GALNT13: variants seen among roughly 807,000 people sequenced by gnomAD.
GALNT13 encodes UDP-GalNAc:polypeptide N-acetylgalactosaminyltransferase 13.
Under a neutral mutation model 64.2 loss-of-function variants are expected in GALNT13, and 28 were observed. That is an observed-to-expected ratio of 0.44 (90% CI 0.32 to 0.60). The LOEUF (loss-of-function observed/expected upper bound fraction) is 0.60. Ranked by LOEUF, GALNT13 falls within the 20% of genes least tolerant of loss-of-function variation. The pLI, the probability that GALNT13 is intolerant of heterozygous loss-of-function variation, is 0.05. For synonymous variants in GALNT13, 214 were observed against 224.6 expected, an observed-to-expected ratio of 0.95 and a Z score of 0.42; for missense variants, 577 against 669.8, an observed-to-expected ratio of 0.86 and a Z score of 1.53.
chr2:153,914,103 A>T (rs1176125654), intron 2 of GALNT13, among the ~76,000 whole-genome samples: 1 of 152,196 alleles, frequency 6.6e-6, no homozygotes, highest in African/African-American at 2.4e-5. Flanking sequence ...GTATTACTTA[A>T]CACTTTCAAA....
At chr2:153,345,662 T>TCTTTCTTTCTTC in the GALNT13 span, among the ~76,000 whole-genome samples, 30 of 141,682 alleles carry the variant, frequency 2.1e-4, no homozygotes, top group African/African-American at 7.5e-4. Flanking sequence ...TTTCTTTCTT[T>TCTTTCTTTCTTC]CTTTCTTTCT....
intron 2 of GALNT13, among the ~76,000 whole-genome samples, chr2:153,906,786 G>T (rs1183752900): frequency 6.6e-6 from 1 of 151,810 alleles, no homozygotes; most frequent in Non-Finnish European, 1.5e-5. Flanking sequence ...GGGTCAAATG[G>T]TATTTCTAGT....
At chr2:154,057,902 C>T (rs1699978301) in intron 3 of GALNT13, among the ~76,000 whole-genome samples, 1 of 152,142 alleles carries the variant, frequency 6.6e-6, no homozygotes. Flanking sequence ...ACACTCAATA[C>T]ATTTTTGTTA....
the GALNT13 span, among the ~76,000 whole-genome samples, chr2:153,594,991 C>T: frequency 6.6e-6 from 1 of 151,904 alleles, no homozygotes; most frequent in Non-Finnish European, 1.5e-5. Flanking sequence ...TGAAAGAATA[C>T]TAAAATTCAA....
At chr2:153,973,757 AC>A (rs1693895306) in intron 3 of GALNT13, among the ~76,000 whole-genome samples, 1 of 151,756 alleles carries the variant, frequency 6.6e-6, no homozygotes, top group African/African-American at 2.4e-5. Context: ...TCCTCCTTTT[AC>A]TTTTTAGACG....
intron 4 of GALNT13, among the ~76,000 whole-genome samples, chr2:154,190,333 A>G (rs967180081): frequency 1.3e-5 from 2 of 152,206 alleles, no homozygotes; most frequent in Admixed American, 6.5e-5. Flanking sequence ...TGAGGAAAAT[A>G]TGTCTCTGTG....
the GALNT13 span, among the ~76,000 whole-genome samples, chr2:153,536,749 A>G: frequency 6.6e-6 from 1 of 152,246 alleles, no homozygotes; most frequent in Non-Finnish European, 1.5e-5. Context: ...GTGGGAAGAC[A>G]CATAAACCTG....
intron 2 of GALNT13, among the ~76,000 whole-genome samples, chr2:153,928,835 C>G (rs1690322348): frequency 6.6e-6 from 1 of 152,110 alleles, no homozygotes; most frequent in South Asian, 2.1e-4. Context: ...TCCCTAAATT[C>G]AAGCATGGCT....
the GALNT13 span, among the ~76,000 whole-genome samples, chr2:153,300,736 T>C: frequency 3.3e-5 from 5 of 152,188 alleles, no homozygotes; most frequent in African/African-American, 1.2e-4. Flanking sequence ...AGAGATTATG[T>C]ACCATAACTG....
intron 9 of GALNT13, among the ~76,000 whole-genome samples, chr2:154,392,731 AG>A (rs1698855418): frequency 1.3e-5 from 2 of 152,316 alleles, no homozygotes; most frequent in Admixed American, 6.5e-5. Flanking sequence ...ACTTTTGGTC[AG>A]GGGAGTAACA....
chr2:153,781,492 A>C, the GALNT13 span, among the ~76,000 whole-genome samples: 1 of 152,146 alleles, frequency 6.6e-6, no homozygotes, highest in Admixed American at 6.6e-5. Flanking sequence ...CTGGGTGATG[A>C]AGCTTTGGTA....
At chr2:153,075,576 A>G in the GALNT13 span, among the ~76,000 whole-genome samples, 1 of 152,204 alleles carries the variant, frequency 6.6e-6, no homozygotes, top group Non-Finnish European at 1.5e-5. Flanking sequence ...TCCTTTTTAT[A>G]TAGTTACACT....
At chr2:153,424,453 C>G in the GALNT13 span, among the ~76,000 whole-genome samples, 1 of 151,456 alleles carries the variant, frequency 6.6e-6, no homozygotes, top group African/African-American at 2.4e-5. Flanking sequence ...AAAAGAGAAG[C>G]TAGTTATTGA....
At chr2:153,975,309 T>A (rs1694006672) in intron 3 of GALNT13, among the ~76,000 whole-genome samples, 1 of 152,022 alleles carries the variant, frequency 6.6e-6, no homozygotes, top group Non-Finnish European at 1.5e-5. Context: ...TCACCCCTGC[T>A]CCTTTTTTAC....
the GALNT13 span, among the ~76,000 whole-genome samples, chr2:153,646,813 A>G: frequency 2.0e-5 from 3 of 152,240 alleles, no homozygotes; most frequent in East Asian, 1.9e-4. Flanking sequence ...TTATGGCTGC[A>G]TAGTATTCCA....
chr2:153,539,101 G>A, the GALNT13 span, among the ~76,000 whole-genome samples: 2 of 136,126 alleles, frequency 1.5e-5, no homozygotes, highest in African/African-American at 3.0e-5. Flanking sequence ...GTGTGAGATG[G>A]TATCTCATTG....
chr2:154,446,896 GTCTTTTACTTCCTAGCTAC>G, intron 12 of GALNT13: 1 of 884,596 alleles, frequency 1.1e-6, no homozygotes, highest in Non-Finnish European at 1.6e-6. Flanking sequence ...TTAACTCTCT[GTCTTTTACTTCCTAGCTAC>G]TCATTAATTT....
the GALNT13 span, among the ~76,000 whole-genome samples, chr2:153,268,715 C>T: frequency 3.3e-5 from 5 of 152,346 alleles, no homozygotes; most frequent in East Asian, 3.9e-4. Context: ...TCAGGTGTTT[C>T]CATACATCCT....
the GALNT13 span, among the ~76,000 whole-genome samples, chr2:153,283,956 G>A: frequency 6.6e-6 from 1 of 152,108 alleles, no homozygotes; most frequent in Admixed American, 6.5e-5. Flanking sequence ...AGAGGGCTCC[G>A]AAGCACTACA....
Sources: allele counts gnomAD v4.1 joint callset (sites outside exome capture counted in the v4.1 genomes callset), GRCh38; gene constraint gnomAD v4.1.1; transcripts MANE v1.5; gene names NCBI Gene and HGNC (gene_info 2026-07-23, HGNC 2026-07-21).